The following CPED1 variants were observed in gnomAD, a reference collection of about 807,000 sequenced individuals.
CPED1 encodes the protein cadherin-like and PC-esterase domain-containing protein 1.
A neutral mutation model predicts 128.2 loss-of-function variants in CPED1; 114 were observed. The ratio of observed to expected loss-of-function variants is 0.89; its 90% CI spans 0.76 to 1.04. The LOEUF (loss-of-function observed/expected upper bound fraction) is 1.04. CPED1 is among the 50% of genes least tolerant of loss of function. CPED1 has a pLI of 0.00. For synonymous variants in CPED1, 462 were observed against 426.7 expected, an observed-to-expected ratio of 1.08 and a Z score of -1.02; for missense variants, 1,211 against 1,207.1, an observed-to-expected ratio of 1.00 and a Z score of -0.05.
At chr7:121,189,797 TAA>T (rs61087465) in intron 16 of CPED1, among the ~76,000 whole-genome samples, 5,405 of 56,914 alleles carry the variant, frequency 0.095, 330 homozygotes, top group East Asian at 0.23. Flanking sequence ...TATATATATA[TAA>T]AATTTGTATT....
chr7:120,994,717 G>A (rs1796366457), intron 2 of CPED1, among the ~76,000 whole-genome samples: 1 of 151,402 alleles, frequency 6.6e-6, no homozygotes, highest in African/African-American at 2.4e-5. Context: ...AGAAAAGTCA[G>A]CAGGGTCTAG....
intron 18 of CPED1, among the ~76,000 whole-genome samples, chr7:121,251,564 AC>A (rs759184241): frequency 1.4e-3 from 206 of 152,254 alleles, no homozygotes; most frequent in Non-Finnish European, 1.9e-3. Flanking sequence ...TATCTAGAAA[AC>A]CCAATTGTCT....
chr7:121,261,843 A>C, intron 18 of CPED1: 23 of 901,694 alleles, frequency 2.6e-5, no homozygotes, highest in Non-Finnish European at 3.8e-5. Flanking sequence ...AGCTTATCTC[A>C]CCTAATACAG....
chr7:121,079,940 C>A (rs1442273601), intron 5 of CPED1, among the ~76,000 whole-genome samples: 1 of 152,156 alleles, frequency 6.6e-6, no homozygotes, highest in Non-Finnish European at 1.5e-5. Context: ...ACAATTAATT[C>A]TGATTTTCAA....
intron 14 of CPED1, among the ~76,000 whole-genome samples, chr7:121,137,461 C>T (rs1202499134): frequency 6.6e-6 from 1 of 151,958 alleles, no homozygotes. Flanking sequence ...AAATGAGCCA[C>T]CGTGGCTGGC....
intron 16 of CPED1, among the ~76,000 whole-genome samples, chr7:121,212,054 T>C (rs2116596730): frequency 6.6e-6 from 1 of 152,152 alleles, no homozygotes; most frequent in East Asian, 1.9e-4. Context: ...CTGGCAAAGA[T>C]GATAGCCTAT....
chr7:121,068,302 G>A (rs966858160), intron 5 of CPED1, among the ~76,000 whole-genome samples: 45 of 152,272 alleles, frequency 3.0e-4, no homozygotes, highest in Admixed American at 9.2e-4. Flanking sequence ...TAAGGTATAA[G>A]GAAGGGATCC....
At position 121,212,376 on chromosome 7, in the gene CPED1, A is replaced by C. The variant is rs547372973; in HGVS notation, c.2056-24338A>C. Among the ~76,000 whole-genome samples, 80 of 152,048 alleles carry C rather than the reference A, an allele frequency of 5.3e-4. 1 individual carries two copies. The highest frequency in any genetic ancestry group is 1.1e-3 in the Non-Finnish European group (73 of 67,968). On this transcript the variant is annotated intron_variant, in intron 16 of 22. Transcript: ENST00000310396. ...AGACAAAGGATGCCCACTGCTTTGCAGGTGGAGGTATAGGAAAGGATCAAT... is the reference window on the plus strand; with the variant it reads ...AGACAAAGGATGCCCACTGCTTTGCCGGTGGAGGTATAGGAAAGGATCAAT...
intron 4 of CPED1, among the ~76,000 whole-genome samples, chr7:121,056,794 A>T (rs1793510380): frequency 6.6e-6 from 1 of 152,110 alleles, no homozygotes; most frequent in Non-Finnish European, 1.5e-5. Context: ...AAATTCATAC[A>T]TCATGTTTGT....
intron 16 of CPED1, among the ~76,000 whole-genome samples, chr7:121,172,201 A>G (rs1039064649): frequency 6.6e-6 from 1 of 152,208 alleles, no homozygotes; most frequent in African/African-American, 2.4e-5. Flanking sequence ...TGTGCTGGAT[A>G]GGTAGTAATC....
At chr7:121,040,925 C>T (rs890876121) in intron 3 of CPED1, among the ~76,000 whole-genome samples, 14 of 151,996 alleles carry the variant, frequency 9.2e-5, no homozygotes, top group Admixed American at 5.9e-4. Context: ...CTTTATAAAT[C>T]TGTTCTGCCT....
At position 121,267,384 on chromosome 7, in the gene CPED1, A is replaced by G. The variant is rs1792148254; in HGVS notation, c.2721+82A>G. 15 of 682,294 alleles carry G rather than the reference A, an allele frequency of 2.2e-5. No homozygotes were observed. In the South Asian group the frequency reaches 3.3e-4, roughly 15 times the overall value. 42.3% of individuals were successfully genotyped at this position (682,294 alleles called of 1,614,324 possible). ...TGGAAAAAGACCCGTAAGGCACTAT[A>G]TAATATTGAGCAACCTTCATGAAAG... On this transcript the variant is annotated intron_variant, in intron 21 of 22. Coordinates refer to ENST00000310396, the MANE Select transcript of CPED1 (RefSeq NM_024913.5).
At chr7:121,051,017 A>G (rs1793338133) in intron 4 of CPED1, 3 of 538,318 alleles carry the variant, frequency 5.6e-6, no homozygotes, top group African/African-American at 3.8e-5. Context: ...AAGCTGAAAA[A>G]GGCAGCAGCG....
intron 4 of CPED1, chr7:121,051,468 G>A: frequency 2.0e-6 from 1 of 493,456 alleles, no homozygotes; most frequent in South Asian, 1.6e-5. Flanking sequence ...GGCTTTGACT[G>A]TCTCGGGTGT....
chr7:121,128,427 G>A lies in CPED1; in HGVS notation c.1348G>A (p.Glu450Lys). 3 of 1,605,146 alleles carry A rather than the reference G, an allele frequency of 1.9e-6. No homozygotes were observed. Among genetic ancestry groups the A allele is most frequent in the Non-Finnish European group, 2.6e-6 (3 of 1,172,158 alleles). ...KELNQCLSLEEINSIMTFIKE... is the reference protein window; with the variant it reads ...KELNQCLSLEKINSIMTFIKE... The stretch of plus-strand genomic sequence containing the variant: ...ACTAAATCAGTGTCTGTCCTTAGAA[G>A]AAATTAACTCAATTATGACTTTCAT... Residue 450 changes from glutamate to lysine, a missense_variant, in exon 11 of 23, where the codon GAA becomes AAA. Physicochemically the swap from Glu to Lys is moderately conservative, Grantham distance 56. Coordinates refer to ENST00000310396, the MANE Select transcript of CPED1 (RefSeq NM_024913.5).
chr7:121,254,914 A>G (rs1798768142), intron 18 of CPED1, among the ~76,000 whole-genome samples: 2 of 151,522 alleles, frequency 1.3e-5, no homozygotes, highest in South Asian at 4.1e-4. Context: ...GTAATTAAAA[A>G]AAAAAACATA....
At position 121,295,882 on chromosome 7, in the gene CPED1, G is replaced by A; in HGVS notation, c.*230G>A. On this transcript the variant is annotated 3_prime_UTR_variant, in exon 23 of 23. Coordinates refer to ENST00000310396, the MANE Select transcript of CPED1 (RefSeq NM_024913.5). ...AACACCAGTCCATTTCACAGTGAAA[G>A]ATATACCTAGAGAAACGTTACTTGA... 1 of 414,208 alleles carries A rather than the reference G, an allele frequency of 2.4e-6. No homozygotes were observed. Among genetic ancestry groups the A allele is most frequent in the East Asian group, 4.1e-5 (1 of 24,264 alleles). The allele number at this position is 414,208 out of a possible 1,614,324, so 25.7% of individuals were successfully genotyped here. A position where few individuals can be genotyped will look rare whatever the true frequency, so the allele number is the denominator to read the frequency against.
At chr7:121,240,640 C>G (rs1048814784) in intron 17 of CPED1, among the ~76,000 whole-genome samples, 2 of 151,556 alleles carry the variant, frequency 1.3e-5, no homozygotes, top group Admixed American at 6.6e-5. Context: ...GTGACCTAGC[C>G]TAATATGATA....
rs994262339 is a variant in CPED1, at chr7:121,149,980, G to A, written c.2055+7839G>A. Among the ~76,000 whole-genome samples the A allele has an allele frequency of 3.3e-5, 5 of 152,026 alleles. No homozygotes were observed. In the East Asian group the frequency reaches 9.6e-4, roughly 29 times the overall value. On this transcript the variant is annotated intron_variant, in intron 16 of 22. Transcript: ENST00000310396. Reference sequence around the variant, plus strand: ...CATTTCTCAAGCCAAACTAACTCAAGCAAAGGTATATACCAGCATAGTGAG... The same window carrying A: ...CATTTCTCAAGCCAAACTAACTCAAACAAAGGTATATACCAGCATAGTGAG...
Sources: allele counts gnomAD v4.1 joint callset (sites outside exome capture counted in the v4.1 genomes callset), GRCh38; gene constraint gnomAD v4.1.1; transcripts MANE v1.5; gene names NCBI Gene and HGNC (gene_info 2026-07-23, HGNC 2026-07-21).